LRP1B: variants seen among roughly 807,000 people sequenced by gnomAD.
LRP1B encodes the protein low-density lipoprotein receptor-related protein 1B.
Under a neutral mutation model 556.6 loss-of-function variants are expected in LRP1B, and 217 were observed. The observed-to-expected ratio is 0.39, with a 90% CI of 0.35 to 0.44. The LOEUF is 0.44. Ranked by LOEUF, LRP1B falls within the 20% of genes least tolerant of loss-of-function variation. The probability of loss-of-function intolerance (pLI) is 1.00; values close to 1 mark genes in which losing one functional copy is unlikely to be tolerated. For synonymous variants in LRP1B, 2,047 were observed against 1,865.8 expected (o/e 1.10, Z -2.50); for missense variants, 5,053 against 5,620.8 (o/e 0.90, Z 3.23).
intron 1 of LRP1B, among the ~76,000 whole-genome samples, chr2:141,970,146 G>T (rs1177105579): frequency 6.6e-6 from 1 of 151,640 alleles, no homozygotes; most frequent in Admixed American, 6.6e-5. Context: ...TTTCTATAGT[G>T]TTGTTTGAGA....
intron 2 of LRP1B, among the ~76,000 whole-genome samples, chr2:141,710,096 G>C (rs189602760): frequency 6.6e-6 from 1 of 151,976 alleles, no homozygotes; most frequent in Non-Finnish European, 1.5e-5. Flanking sequence ...CATTACACTG[G>C]GGGATTAAGC....
intron 2 of LRP1B, among the ~76,000 whole-genome samples, chr2:141,722,279 A>T (rs1407993259): frequency 6.6e-6 from 1 of 152,056 alleles, no homozygotes; most frequent in African/African-American, 2.4e-5. Context: ...TCAGGACGCT[A>T]AGGCACGAGA....
chr2:141,320,788 C>G (rs937872441), intron 3 of LRP1B, among the ~76,000 whole-genome samples: 17 of 152,032 alleles, frequency 1.1e-4, no homozygotes, highest in African/African-American at 4.1e-4. Flanking sequence ...TTAAAGAAAA[C>G]TTACACATCC....
At chr2:140,766,839 ATATATT>A (rs1204403174) in intron 35 of LRP1B, among the ~76,000 whole-genome samples, 1 of 22,696 alleles carries the variant, frequency 4.4e-5, no homozygotes, top group South Asian at 3.4e-3. Flanking sequence ...ATATATATAT[ATATATT>A]ATATATATAT....
chr2:141,409,050 G>A (rs1339119373), intron 3 of LRP1B, among the ~76,000 whole-genome samples: 1 of 152,058 alleles, frequency 6.6e-6, no homozygotes, highest in Non-Finnish European at 1.5e-5. Context: ...ACTTTCATTT[G>A]CTAGGCTTAT....
chr2:140,854,981 G>T (rs923697807), intron 27 of LRP1B, among the ~76,000 whole-genome samples: 1 of 152,106 alleles, frequency 6.6e-6, no homozygotes, highest in African/African-American at 2.4e-5. Flanking sequence ...TATAAATACA[G>T]CTGGGCAGAC....
intron 25 of LRP1B, among the ~76,000 whole-genome samples, chr2:140,881,587 A>C (rs1237328782): frequency 6.6e-6 from 1 of 151,966 alleles, no homozygotes; most frequent in Non-Finnish European, 1.5e-5. Flanking sequence ...TAGTTATCCA[A>C]ACTCTAGTCA....
At chr2:140,456,310 C>A in intron 62 of LRP1B, 145 bp downstream of exon 62, 1 of 673,794 alleles carries the variant, frequency 1.5e-6, no homozygotes, top group Admixed American at 3.6e-5. Context: ...TAGCTAAGGT[C>A]CCATTTTAAT....
At chr2:141,101,012 A>T (rs530490008) in intron 7 of LRP1B, among the ~76,000 whole-genome samples, 85 of 152,232 alleles carry the variant, frequency 5.6e-4, no homozygotes, top group African/African-American at 1.5e-3. Flanking sequence ...GGTAGACAAA[A>T]GCCTTGGACA....
chr2:141,933,158 T>C (rs1214922660), intron 1 of LRP1B, among the ~76,000 whole-genome samples: 3 of 152,050 alleles, frequency 2.0e-5, no homozygotes, highest in African/African-American at 7.2e-5. Context: ...ATCTATGATA[T>C]CTTCATAGGG....
At chr2:142,055,439 T>G (rs928302860) in intron 1 of LRP1B, among the ~76,000 whole-genome samples, 1 of 152,018 alleles carries the variant, frequency 6.6e-6, no homozygotes, top group African/African-American at 2.4e-5. Flanking sequence ...AAAAGAAAAA[T>G]GTAATGGGAA....
chr2:140,323,874 C>CATAATATATTATACTTACAATCT lies in LRP1B; in HGVS notation c.12510_12514+18dup. On this transcript the variant is annotated intron_variant, in intron 81 of 90. Transcript: ENST00000389484. Reference sequence around the variant, plus strand: ...AATAATTTACCAATATAGACAACTTCATAATATATTATACTTACAATCTAG... The same window carrying CATAATATATTATACTTACAATCT: ...AATAATTTACCAATATAGACAACTTCATAATATATTATACTTACAATCTATAATATATTATACTTACAATCTAG... 1 of 1,265,094 alleles carries CATAATATATTATACTTACAATCT rather than the reference C, an allele frequency of 7.9e-7. No homozygotes were observed. Among genetic ancestry groups the CATAATATATTATACTTACAATCT allele is most frequent in the Non-Finnish European group, 1.1e-6 (1 of 885,856 alleles). 78.4% of individuals were successfully genotyped at this position (1,265,094 alleles called of 1,614,324 possible).
At chr2:140,335,400 A>T (rs1681030128) in intron 78 of LRP1B, among the ~76,000 whole-genome samples, 1 of 151,964 alleles carries the variant, frequency 6.6e-6, no homozygotes, top group African/African-American at 2.4e-5. Flanking sequence ...GGCATACTGA[A>T]TGCATAATAC....
intron 62 of LRP1B, among the ~76,000 whole-genome samples, chr2:140,452,581 C>T (rs1686929457): frequency 6.6e-6 from 1 of 152,006 alleles, no homozygotes; most frequent in Non-Finnish European, 1.5e-5. Flanking sequence ...TGTTGTTATT[C>T]CCATATAAGT....
intron 2 of LRP1B, among the ~76,000 whole-genome samples, chr2:141,550,338 C>T (rs913411665): frequency 2.0e-5 from 3 of 152,108 alleles, no homozygotes; most frequent in Non-Finnish European, 2.9e-5. Flanking sequence ...GAACTTTTCT[C>T]ACTTCAGCTC....
chr2:140,530,323 T>C (rs1187111976), intron 47 of LRP1B, among the ~76,000 whole-genome samples: 1 of 152,050 alleles, frequency 6.6e-6, no homozygotes, highest in Non-Finnish European at 1.5e-5. Context: ...AGAGAAGGGG[T>C]AACTGGAAGA....
At position 140,952,282 on chromosome 2, in the gene LRP1B, G is replaced by GAACAC. The variant is rs567065113; in HGVS notation, c.2888-343_2888-342insGTGTT. ...TCAGTGGATAACAGCTATTGGAGCT[G>GAACAC]TACACTCTGGAGCTGCAAAGTAATG... On this transcript the variant is annotated intron_variant, in intron 18 of 90. Transcript: ENST00000389484. Among the ~76,000 whole-genome samples, 244 of 152,248 alleles carry GAACAC rather than the reference G, an allele frequency of 1.6e-3. 1 individual carries two copies. The highest frequency in any genetic ancestry group is 5.7e-3 in the African/African-American group (237 of 41,550).
intron 2 of LRP1B, among the ~76,000 whole-genome samples, chr2:141,632,955 AAACTATT>A (rs1331676669): frequency 6.6e-6 from 1 of 152,014 alleles, no homozygotes; most frequent in East Asian, 1.9e-4. Context: ...ATTATAGCCT[AAACTATT>A]AACTTCCAAA....
At chr2:141,568,427 C>A (rs1275044352) in intron 2 of LRP1B, among the ~76,000 whole-genome samples, 1 of 151,042 alleles carries the variant, frequency 6.6e-6, no homozygotes, top group Non-Finnish European at 1.5e-5. Flanking sequence ...ATTTCTTGAA[C>A]ATGAGAAATA....
Sources: gnomAD v4.1 joint callset for allele counts (sites outside exome capture counted in the v4.1 genomes callset) on GRCh38, gnomAD v4.1.1 for gene constraint, MANE v1.5 for transcripts, NCBI Gene and HGNC (gene_info 2026-07-23, HGNC 2026-07-21) for gene names.